Variants in KMT2C observed in about 807,000 individuals in gnomAD.
KMT2C encodes lysine methyltransferase 2C.
In KMT2C, 88 loss-of-function variants were observed where a neutral mutation model predicts 507.9. That is an observed-to-expected ratio of 0.17 (90% confidence interval 0.15 to 0.21). The LOEUF (loss-of-function observed/expected upper bound fraction) is 0.21, where lower values mean the gene tolerates loss of function less well. Among genes scored for constraint, KMT2C ranks in the 10% least tolerant of loss-of-function variants. KMT2C has a pLI of 1.00. For missense variants in KMT2C, 4,954 were observed against 5,957.8 expected (o/e 0.83, Z 5.55); for synonymous variants, 2,049 against 2,080.8 (o/e 0.98, Z 0.42).
intron 6 of KMT2C, among the ~76,000 whole-genome samples, chr7:152,295,792 C>A (rs565370955): frequency 6.6e-6 from 1 of 152,152 alleles, no homozygotes; most frequent in African/African-American, 2.4e-5. Context: ...CTCGGCTGGG[C>A]GCAGTGGCTC....
chr7:152,205,327 C>T, intron 24 of KMT2C, 102 bp from the exon 25 acceptor site: 1 of 587,380 alleles, frequency 1.7e-6, no homozygotes, highest in Non-Finnish European at 2.4e-6. Context: ...AGTCATTTTC[C>T]AAAATTAAAT....
intron 6 of KMT2C, among the ~76,000 whole-genome samples, chr7:152,294,297 T>A (rs1378134617): frequency 6.6e-6 from 1 of 152,228 alleles, no homozygotes. Context: ...AATTTTTTGA[T>A]GCCTTCCTTC....
At chr7:152,358,525 G>T in intron 2 of KMT2C, 62 bp downstream of exon 2, 1 of 982,138 alleles carries the variant, frequency 1.0e-6, no homozygotes, top group Non-Finnish European at 1.6e-6. Context: ...AATGCTACAT[G>T]CAGTGTACAA....
chr7:152,174,788 G>A (rs1214138657), intron 38 of KMT2C, among the ~76,000 whole-genome samples: 1 of 152,114 alleles, frequency 6.6e-6, no homozygotes, highest in Non-Finnish European at 1.5e-5. Context: ...GCTTAGACAC[G>A]TGCCCTTTGA....
In KMT2C at chr7:152,177,731, G is replaced by A. The variant is rs148253125; in HGVS notation, c.7722C>T (p.Phe2574=). ...RAPDGRQRLP[F]SAPPGSVVEA... ...CTACAACGCTGCCAGGTGGAGCACT[G>A]AAAGGCAGCCGTTGCCTTCCGTCAG... Residue 2574 remains phenylalanine, a synonymous_variant, in exon 38 of 59, where the codon TTC becomes TTT. Coordinates refer to ENST00000262189, the MANE Select transcript of KMT2C (RefSeq NM_170606.3). 1.7e-5 allele frequency: 27 copies of A among 1,614,122 alleles called. No homozygotes were observed. In the South Asian group the frequency reaches 2.4e-4, roughly 14 times the overall value.
chr7:152,211,892 C>CA (rs1253720650), intron 23 of KMT2C, among the ~76,000 whole-genome samples: 1 of 151,992 alleles, frequency 6.6e-6, no homozygotes, highest in African/African-American at 2.4e-5. Flanking sequence ...ACTAAAAATA[C>CA]AAAAAATTAG....
chr7:152,163,378 C>G lies in KMT2C; in HGVS notation c.10199G>C (p.Arg3400Pro). Reference sequence around the variant, plus strand: ...TTGCTGTTCTCGTAAACGTTCCTTACGTTCCCGTTCTTGAAAACTTTCACT... The same window carrying G: ...TTGCTGTTCTCGTAAACGTTCCTTAGGTTCCCGTTCTTGAAAACTTTCACT... ...PFSESFQERE[R>P]KERLREQQER... is the part of the protein sequence containing the mutation. Residue 3400 changes from arginine (R) to proline (P), a missense_variant, in exon 43 of 59, where the codon CGT becomes CCT. Physicochemically the swap from Arg to Pro is moderately radical, Grantham distance 103. Transcript: ENST00000262189. The G allele has an allele frequency of 6.2e-7, 1 of 1,614,200 alleles. No homozygotes were observed. Among genetic ancestry groups the G allele is most frequent in the Non-Finnish European group, 8.5e-7 (1 of 1,180,040 alleles).
At chr7:152,310,958 T>TTACG (rs959604234) in intron 5 of KMT2C, among the ~76,000 whole-genome samples, 17 of 152,118 alleles carry the variant, frequency 1.1e-4, no homozygotes, top group African/African-American at 4.1e-4. Context: ...AGTGCTGGGA[T>TTACG]TACGGGCTGT....
chr7:152,182,731 C>A, intron 35 of KMT2C, 137 bp from the exon 36 acceptor site: 1 of 832,916 alleles, frequency 1.2e-6, no homozygotes, highest in Non-Finnish European at 1.9e-6. Flanking sequence ...ATTATGAATT[C>A]CTGAAGAAGA....
intron 23 of KMT2C, among the ~76,000 whole-genome samples, chr7:152,219,772 A>G (rs1328149410): frequency 2.0e-5 from 3 of 152,122 alleles, no homozygotes; most frequent in African/African-American, 7.2e-5. Context: ...CAGGCTGAGC[A>G]GAGCAGATGG....
intron 6 of KMT2C, among the ~76,000 whole-genome samples, chr7:152,283,368 A>T (rs1668992843): frequency 6.6e-6 from 1 of 152,166 alleles, no homozygotes; most frequent in African/African-American, 2.4e-5. Context: ...TCATTTTAGT[A>T]GGAGTAAACA....
intron 55 of KMT2C, among the ~76,000 whole-genome samples, chr7:152,141,662 G>A (rs577597532): frequency 1.3e-4 from 19 of 145,956 alleles, no homozygotes; most frequent in South Asian, 2.2e-4. Context: ...GCAGTGAGCC[G>A]AGATCGTGCC....
At chr7:152,188,730 C>CT (rs759612399) in intron 31 of KMT2C, among the ~76,000 whole-genome samples, 3 of 151,526 alleles carry the variant, frequency 2.0e-5, no homozygotes, top group Non-Finnish European at 4.4e-5. Context: ...CTGCCTCAGC[C>CT]TCCTGAGTAG....
In KMT2C at chr7:152,177,876, A is replaced by G. The variant is rs755615113; in HGVS notation, c.7577T>C (p.Leu2526Ser). 2 of 1,613,834 alleles carry G rather than the reference A, an allele frequency of 1.2e-6. No individual in the cohort carries two copies. Among genetic ancestry groups the G allele is most frequent in the Non-Finnish European group, 1.7e-6 (2 of 1,179,972 alleles). ...TGGATTATTCATTTGTGAGTTATTT[A>G]AAGGCCTAGGCATATCTACAGATAC... ...RSVSVDMPRP[L>S]NNSQMNNPVG... Residue 2526 changes from leucine to serine, a missense_variant, in exon 38 of 59, where the codon TTA (leucine) becomes TCA (serine). Transcript: ENST00000262189.
Position 152,155,903 on chromosome 7 carries a change from C to T in KMT2C, c.11960+7G>A, listed in dbSNP as rs778463947. On this transcript the variant is annotated splice_region_variant and intron_variant, in intron 46 of 58. Transcript: ENST00000262189. Reference sequence around the variant, plus strand: ...TAAGAATTATTTGAGAAAAAAATAACCTGTACCTTAATTCTTCCTGATTGT... The same window carrying T: ...TAAGAATTATTTGAGAAAAAAATAATCTGTACCTTAATTCTTCCTGATTGT... 7.6e-6 allele frequency: 12 copies of T among 1,587,710 alleles called. No individual in the cohort carries two copies. Among genetic ancestry groups the T allele is most frequent in the Middle Eastern group, 1.7e-4 (1 of 6,016 alleles).
chr7:152,258,336 T>C (rs1278901964), intron 9 of KMT2C, among the ~76,000 whole-genome samples: 1 of 152,186 alleles, frequency 6.6e-6, no homozygotes, highest in Non-Finnish European at 1.5e-5. Context: ...TAGGAGCTCA[T>C]GAGTCAGTAT....
intron 48 of KMT2C, among the ~76,000 whole-genome samples, chr7:152,153,571 T>C (rs1052239858): frequency 1.6e-4 from 25 of 152,008 alleles, no homozygotes; most frequent in African/African-American, 5.8e-4. Flanking sequence ...TACAAAGAAG[T>C]TTTTTCTGAG....
At chr7:152,408,598 A>G (rs1349307560) in intron 1 of KMT2C, among the ~76,000 whole-genome samples, 1 of 152,166 alleles carries the variant, frequency 6.6e-6, no homozygotes, top group Non-Finnish European at 1.5e-5. Context: ...CACAAACCCT[A>G]TTGTGAACTG....
Position 152,148,206 on chromosome 7 carries a change from G to C in KMT2C, c.13721C>G (p.Ala4574Gly). 1 of 1,614,250 alleles carries C rather than the reference G, an allele frequency of 6.2e-7. No individual in the cohort carries two copies. Residue 4574 changes from alanine to glycine, a missense_variant, in exon 52 of 59, where the codon GCA (alanine) becomes GGA (glycine). Ala to Gly is a moderately conservative substitution (Grantham distance 60). Transcript: ENST00000262189. This position sits in a 1 kb window ranked among gnomAD's most constrained non-coding sequence, Gnocchi z 7.1. Reference sequence around the variant, plus strand: ...GGCTTCATAGCCCACAGGGAAGAGTGCTTTAGGAGAATGGAATGCTTGCAT... The same window carrying C: ...GGCTTCATAGCCCACAGGGAAGAGTCCTTTAGGAGAATGGAATGCTTGCAT... ...QQMQAFHSPK[A>G]LFPVGYEASR...
Sources: allele counts gnomAD v4.1 joint callset (sites outside exome capture counted in the v4.1 genomes callset), GRCh38; gene constraint gnomAD v4.1.1; non-coding constraint Gnocchi (gnomAD v3.1); transcripts MANE v1.5; gene names NCBI Gene and HGNC (gene_info 2026-07-23, HGNC 2026-07-21).